STX18: variants seen among roughly 807,000 people sequenced by gnomAD.
STX18 encodes syntaxin-18.
Under a neutral mutation model 50.1 loss-of-function variants are expected in STX18, and 40 were observed. The ratio of observed to expected loss-of-function variants is 0.80; its 90% confidence interval spans 0.62 to 1.04. The LOEUF (loss-of-function observed/expected upper bound fraction) is 1.04, where lower values mean the gene tolerates loss of function less well. STX18 is among the 50% of genes least tolerant of loss of function. The probability of loss-of-function intolerance (pLI) is 0.00; values close to 1 mark genes in which losing one functional copy is unlikely to be tolerated. For missense variants in STX18, 410 were observed against 415.8 expected (o/e 0.99, Z 0.12); for synonymous variants, 158 against 151.8 (o/e 1.04, Z -0.30).
chr4:4,486,004 C>T (rs1403802474), intron 1 of STX18, among the ~76,000 whole-genome samples: 2 of 152,180 alleles, frequency 1.3e-5, no homozygotes, highest in Non-Finnish European at 2.9e-5. Flanking sequence ...AGCACGCAGG[C>T]AGAGGGCGGG....
intron 1 of STX18, among the ~76,000 whole-genome samples, chr4:4,515,737 A>G (rs1035663858): frequency 5.3e-5 from 8 of 152,184 alleles, no homozygotes; most frequent in Non-Finnish European, 1.0e-4. Context: ...TTAAGAGGAA[A>G]ATAAATTATT....
intron 7 of STX18, among the ~76,000 whole-genome samples, chr4:4,429,724 G>A (rs1331735895): frequency 6.6e-6 from 1 of 152,184 alleles, no homozygotes; most frequent in Non-Finnish European, 1.5e-5. Flanking sequence ...CTGTGCCCCT[G>A]TAAACCTGGA....
intron 1 of STX18, among the ~76,000 whole-genome samples, chr4:4,497,480 C>T (rs1407645072): frequency 6.6e-6 from 1 of 152,206 alleles, no homozygotes; most frequent in East Asian, 1.9e-4. Flanking sequence ...TTCAATATCA[C>T]TTACGTAACG....
At chr4:4,423,873 CA>C (rs1230561512) in intron 8 of STX18, 3 of 445,696 alleles carry the variant, frequency 6.7e-6, no homozygotes, top group Admixed American at 3.8e-5. Context: ...GTGCCCTTTG[CA>C]TTCTGTGTCA....
intron 8 of STX18, among the ~76,000 whole-genome samples, chr4:4,424,106 T>C (rs992429224): frequency 1.3e-5 from 2 of 151,670 alleles, no homozygotes; most frequent in Non-Finnish European, 2.9e-5. Flanking sequence ...CTCTGATTCA[T>C]TTAGAAAATG....
intron 1 of STX18, among the ~76,000 whole-genome samples, chr4:4,528,290 G>C (rs139673869): frequency 2.6e-5 from 4 of 152,244 alleles, no homozygotes; most frequent in African/African-American, 7.2e-5. Context: ...TATTGGAGGG[G>C]GGGCCTGCTG....
At chr4:4,454,757 G>C (rs1376581843) in intron 5 of STX18, among the ~76,000 whole-genome samples, 1 of 152,140 alleles carries the variant, frequency 6.6e-6, no homozygotes, top group Non-Finnish European at 1.5e-5. Context: ...TTCAAATCTT[G>C]ATTCAGCTGT....
At chr4:4,540,095 G>A (rs1263824430) in intron 1 of STX18, among the ~76,000 whole-genome samples, 3 of 152,180 alleles carry the variant, frequency 2.0e-5, no homozygotes, top group Non-Finnish European at 4.4e-5. Context: ...TTCAACCTAG[G>A]AAGCTCCCAC....
At chr4:4,440,135 T>A (rs1245072637) in intron 5 of STX18, among the ~76,000 whole-genome samples, 2 of 152,210 alleles carry the variant, frequency 1.3e-5, no homozygotes, top group African/African-American at 4.8e-5. Flanking sequence ...AGAATCTACA[T>A]AAATGCTATA....
At chr4:4,521,482 G>C (rs1326359701) in intron 1 of STX18, among the ~76,000 whole-genome samples, 1 of 152,162 alleles carries the variant, frequency 6.6e-6, no homozygotes, top group South Asian at 2.1e-4. Flanking sequence ...GAAGAGCCCA[G>C]TTAAGCTTTT....
rs201329108 is a variant in STX18, at chr4:4,538,102, G to GAAA, written c.168+3692_168+3694dup. Among the ~76,000 whole-genome samples the GAAA allele has an allele frequency of 2.9e-3, 408 of 138,310 alleles. 2 individuals are homozygous for GAAA. Among genetic ancestry groups the GAAA allele is most frequent in the African/African-American group, 8.5e-3 (321 of 37,982 alleles). The allele number at this position is 138,310 out of a possible 152,430, so 90.7% of individuals were successfully genotyped here. ...AAATGAACACAAGGTCCTTTTGAGTGAAAAAAAAAAAAACCACAAACAAAC... is the reference window on the plus strand; with the variant it reads ...AAATGAACACAAGGTCCTTTTGAGTGAAAAAAAAAAAAAAAACCACAAACAAAC... On this transcript the variant is annotated intron_variant, in intron 1 of 10. Coordinates refer to ENST00000306200, the MANE Select transcript of STX18 (RefSeq NM_016930.4).
chr4:4,518,655 CCT>C (rs1262649833), intron 1 of STX18, among the ~76,000 whole-genome samples: 1 of 152,098 alleles, frequency 6.6e-6, no homozygotes, highest in African/African-American at 2.4e-5. Flanking sequence ...TTAATTCCTT[CCT>C]CTCTCTTTTC....
intron 5 of STX18, among the ~76,000 whole-genome samples, chr4:4,455,282 C>T (rs1463303019): frequency 6.6e-6 from 1 of 152,212 alleles, no homozygotes; most frequent in East Asian, 1.9e-4. Flanking sequence ...TCTCTAAGCA[C>T]AAAGACTTAA....
rs576665296 is a variant in STX18 at position 4,531,761 on chromosome 4, A to G, written c.168+10036T>C. Reference sequence around the variant, plus strand: ...CTATACTCATCCAGAACTGGTAATAAGTCCTAAAACATTTAATACTTTCAA... The same window carrying G: ...CTATACTCATCCAGAACTGGTAATAGGTCCTAAAACATTTAATACTTTCAA... On this transcript the variant is annotated intron_variant, in intron 1 of 10. Transcript: ENST00000306200. Among the ~76,000 whole-genome samples the G allele has an allele frequency of 3.9e-5, 6 of 152,372 alleles. No homozygotes were observed. In the South Asian group the frequency reaches 1.0e-3, roughly 26 times the overall value.
intron 1 of STX18, among the ~76,000 whole-genome samples, chr4:4,482,407 CT>C: frequency 6.6e-6 from 1 of 152,368 alleles, no homozygotes; most frequent in Middle Eastern, 3.4e-3. Context: ...CTCACACCCT[CT>C]GGCTTACTCC....
At chr4:4,478,374 A>G (rs914258101) in intron 1 of STX18, among the ~76,000 whole-genome samples, 3 of 152,232 alleles carry the variant, frequency 2.0e-5, no homozygotes, top group African/African-American at 7.2e-5. Context: ...ACAGCAAGGA[A>G]AAAGAATGGT....
intron 5 of STX18, among the ~76,000 whole-genome samples, chr4:4,446,001 T>C (rs1726383210): frequency 6.6e-6 from 1 of 152,132 alleles, no homozygotes; most frequent in Non-Finnish European, 1.5e-5. Flanking sequence ...TGATACTGAA[T>C]AGAGTCCAGA....
chr4:4,440,782 T>A (rs955674224), intron 5 of STX18, among the ~76,000 whole-genome samples: 9 of 152,218 alleles, frequency 5.9e-5, no homozygotes, highest in Admixed American at 1.3e-4. Flanking sequence ...GTCACTGTTA[T>A]CAATCTTTTT....
intron 1 of STX18, among the ~76,000 whole-genome samples, chr4:4,506,388 G>C (rs748540515): frequency 4.6e-5 from 7 of 152,192 alleles, no homozygotes; most frequent in Non-Finnish European, 1.0e-4. Flanking sequence ...CACACATCTA[G>C]AATCAACCTT....
Sources: gnomAD v4.1 joint callset for allele counts (sites outside exome capture counted in the v4.1 genomes callset) on GRCh38, gnomAD v4.1.1 for gene constraint, MANE v1.5 for transcripts, NCBI Gene and HGNC (gene_info 2026-07-23, HGNC 2026-07-21) for gene names.